HDAC9: variants seen among roughly 807,000 people sequenced by gnomAD.
The protein encoded by HDAC9 is histone deacetylase 9.
HDAC9 carries 41 observed loss-of-function variants against 139.4 expected under a neutral mutation model. That is an observed-to-expected ratio of 0.29 (90% CI 0.23 to 0.38). The LOEUF (loss-of-function observed/expected upper bound fraction) is 0.38, where lower values mean the gene tolerates loss of function less well. Among genes scored for constraint, HDAC9 ranks in the 10% least tolerant of loss-of-function variants. The pLI, the probability that HDAC9 is intolerant of heterozygous loss-of-function variation, is 1.00. For synonymous variants in HDAC9, 517 were observed against 476.2 expected, an observed-to-expected ratio of 1.09 and a Z score of -1.12; for missense variants, 1,147 against 1,297.0, an observed-to-expected ratio of 0.88 and a Z score of 1.78.
At chr7:18,257,479 T>G (rs776854943) in intron 2 of HDAC9, among the ~76,000 whole-genome samples, 8 of 151,586 alleles carry the variant, frequency 5.3e-5, no homozygotes, top group Non-Finnish European at 8.8e-5. Flanking sequence ...AAGATGAAGT[T>G]CTACATAGAA....
At chr7:18,667,911 C>T (rs1263983688) in intron 12 of HDAC9, 15 of 980,966 alleles carry the variant, frequency 1.5e-5, no homozygotes, top group African/African-American at 3.5e-5. Flanking sequence ...GTATTAAGAC[C>T]CCTTTAATAT....
intron 1 of HDAC9, among the ~76,000 whole-genome samples, chr7:18,150,219 T>TA (rs1210815273): frequency 6.6e-6 from 1 of 152,052 alleles, no homozygotes; most frequent in Admixed American, 6.6e-5. Flanking sequence ...TGTATCTAGA[T>TA]ATATATGTTT....
intron 1 of HDAC9, among the ~76,000 whole-genome samples, chr7:18,445,726 T>C (rs1792230264): frequency 6.6e-6 from 1 of 152,238 alleles, no homozygotes; most frequent in Non-Finnish European, 1.5e-5. Context: ...AAACAATGTT[T>C]TGAAACTTCA....
chr7:18,982,357 T>G (rs568307533), intron 25 of HDAC9, among the ~76,000 whole-genome samples: 1 of 152,234 alleles, frequency 6.6e-6, no homozygotes, highest in Admixed American at 6.5e-5. Flanking sequence ...CCATTTCCAT[T>G]AACATAAAGA....
chr7:18,230,363 G>T (rs1165213477), intron 2 of HDAC9, among the ~76,000 whole-genome samples: 1 of 152,180 alleles, frequency 6.6e-6, no homozygotes, highest in African/African-American at 2.4e-5. Context: ...TAAGCTTGGG[G>T]CACATGTTAC....
chr7:18,633,590 A>G (rs1466780899), intron 7 of HDAC9, among the ~76,000 whole-genome samples: 2 of 152,050 alleles, frequency 1.3e-5, no homozygotes, highest in Non-Finnish European at 2.9e-5. Context: ...CATGAGTAGA[A>G]AGAAAAGATG....
intron 21 of HDAC9, among the ~76,000 whole-genome samples, chr7:18,868,693 T>C (rs1798677754): frequency 6.6e-6 from 1 of 152,120 alleles, no homozygotes; most frequent in South Asian, 2.1e-4. Context: ...AAAAGTAATG[T>C]CATTAAAAGT....
At chr7:18,853,485 A>G (rs528651117) in intron 21 of HDAC9, among the ~76,000 whole-genome samples, 1 of 152,272 alleles carries the variant, frequency 6.6e-6, no homozygotes, top group African/African-American at 2.4e-5. Flanking sequence ...AATTTAGAAT[A>G]TTGTTTTGTT....
chr7:18,188,671 A>G (rs904831088), intron 2 of HDAC9, among the ~76,000 whole-genome samples: 10 of 152,214 alleles, frequency 6.6e-5, no homozygotes, highest in African/African-American at 2.4e-4. Context: ...CCCTATCAAA[A>G]AGTGGGCAAA....
intron 7 of HDAC9, among the ~76,000 whole-genome samples, chr7:18,630,120 C>T (rs758029039): frequency 1.3e-5 from 2 of 151,980 alleles, no homozygotes; most frequent in African/African-American, 2.4e-5. Context: ...TACAACACCC[C>T]TAGTTCCAGT....
At chr7:18,976,588 G>A (rs1784566573) in intron 25 of HDAC9, among the ~76,000 whole-genome samples, 2 of 152,104 alleles carry the variant, frequency 1.3e-5, no homozygotes. Context: ...TAGATTTCTG[G>A]AGAAAAAATA....
At chr7:18,991,298 T>C (rs894365753) in intron 25 of HDAC9, among the ~76,000 whole-genome samples, 1 of 152,148 alleles carries the variant, frequency 6.6e-6, no homozygotes. Context: ...TACGAACTAA[T>C]ATATGAATTA....
At chr7:18,335,854 G>T (rs1781547408) in intron 1 of HDAC9, among the ~76,000 whole-genome samples, 1 of 151,534 alleles carries the variant, frequency 6.6e-6, no homozygotes, top group African/African-American at 2.4e-5. Context: ...AAGTGATTTT[G>T]TATGGAAGGC....
intron 2 of HDAC9, among the ~76,000 whole-genome samples, chr7:18,236,836 C>G (rs536813739): frequency 2.8e-4 from 42 of 152,278 alleles, no homozygotes; most frequent in South Asian, 6.2e-4. Context: ...ACCATGGACT[C>G]TGGCCCCCTA....
chr7:18,322,618 A>G (rs1247960853), intron 1 of HDAC9, among the ~76,000 whole-genome samples: 1 of 152,148 alleles, frequency 6.6e-6, no homozygotes, highest in Non-Finnish European at 1.5e-5. Flanking sequence ...TTCCACCTCT[A>G]CAGTATGCTG....
At chr7:18,948,704 C>G (rs1782577099) in intron 23 of HDAC9, among the ~76,000 whole-genome samples, 1 of 152,076 alleles carries the variant, frequency 6.6e-6, no homozygotes, top group South Asian at 2.1e-4. Context: ...TAAAACCAAG[C>G]AAAGGGTGGA....
At chr7:18,733,151 A>ATATACACGTGTATACACATAT (rs1786509651) in intron 13 of HDAC9, among the ~76,000 whole-genome samples, 2 of 147,220 alleles carry the variant, frequency 1.4e-5, no homozygotes, top group Admixed American at 1.3e-4. Context: ...GTATACACAT[A>ATATACACGTGTATACACATAT]TATACACGTG....
intron 22 of HDAC9, among the ~76,000 whole-genome samples, chr7:18,920,013 G>T (rs908612139): frequency 4.6e-5 from 7 of 152,050 alleles, no homozygotes; most frequent in African/African-American, 7.2e-5. Flanking sequence ...CTTTAACGTG[G>T]TTTTTTCCAA....
intron 1 of HDAC9, among the ~76,000 whole-genome samples, chr7:18,392,313 TCTCACA>T (rs1242327542): frequency 1.6e-3 from 177 of 111,230 alleles, no homozygotes; most frequent in African/African-American, 2.1e-3. Flanking sequence ...TCTCTCTCTC[TCTCACA>T]CACACACACA....
Sources: gnomAD v4.1 joint callset for allele counts (sites outside exome capture counted in the v4.1 genomes callset) on GRCh38, gnomAD v4.1.1 for gene constraint, MANE v1.5 for transcripts, NCBI Gene and HGNC (gene_info 2026-07-23, HGNC 2026-07-21) for gene names.